LSAMP: variants seen among roughly 807,000 people sequenced by gnomAD.
LSAMP encodes limbic system-associated membrane protein.
A neutral mutation model predicts 38.6 loss-of-function variants in LSAMP; 7 were observed. The ratio of observed to expected loss-of-function variants is 0.18; its 90% CI spans 0.10 to 0.34. The LOEUF is 0.34. Ranked by LOEUF, LSAMP falls within the 10% of genes least tolerant of loss-of-function variation. The pLI is 1.00. For synonymous variants in LSAMP, 154 were observed against 166.8 expected (o/e 0.92, Z 0.59); for missense variants, 313 against 420.0 (o/e 0.75, Z 2.23).
chr3:115,881,190 A>G lies in LSAMP; in HGVS notation c.515-28573T>C, dbSNP rs549699315. Among the ~76,000 whole-genome samples the G allele has an allele frequency of 7.9e-5, 12 of 152,218 alleles. No individual in the cohort carries two copies. The South Asian group carries it at 2.5e-3, about 32-fold the overall frequency. On this transcript the variant is annotated intron_variant, in intron 3 of 6. Transcript: ENST00000490035. ...TTTACAGTTTGCCACTTGCATTCAT[A>G]AATGCTGCTGCCGCTAAGGGTGGCA...
At chr3:116,177,511 G>A (rs1188602027) in intron 1 of LSAMP, among the ~76,000 whole-genome samples, 2 of 152,104 alleles carry the variant, frequency 1.3e-5, no homozygotes, top group African/African-American at 4.8e-5. Context: ...AGCCACAGAT[G>A]TGATATATGC....
intron 1 of LSAMP, among the ~76,000 whole-genome samples, chr3:116,134,527 T>G (rs1464483783): frequency 6.6e-6 from 1 of 152,216 alleles, no homozygotes; most frequent in Non-Finnish European, 1.5e-5. Flanking sequence ...CCATCCCCTT[T>G]TCACCGTGCT....
intron 1 of LSAMP, among the ~76,000 whole-genome samples, chr3:116,189,265 A>G (rs1710697581): frequency 6.6e-6 from 1 of 152,186 alleles, no homozygotes; most frequent in Admixed American, 6.5e-5. Flanking sequence ...TTTTCCTGGT[A>G]TAAGGAAGTG....
rs549513664 is a variant in LSAMP at position 116,302,054 on chromosome 3, C to T, written c.155+142823G>A. On this transcript the variant is annotated intron_variant, in intron 1 of 6. Coordinates refer to ENST00000490035, the MANE Select transcript of LSAMP (RefSeq NM_002338.5). ...TGGCTCCAAATATTAAATCAATACT[C>T]ATTTACTGTAGAGACCATGGCAATC... 2.0e-5 allele frequency among the ~76,000 whole-genome samples: 3 copies of T among 152,256 alleles called. 1 individual carries two copies. The South Asian group carries it at 6.2e-4, about 32-fold the overall frequency.
intron 1 of LSAMP, among the ~76,000 whole-genome samples, chr3:116,173,786 T>TA (rs1559770017): frequency 1.0e-4 from 1 of 9,984 alleles, no homozygotes; most frequent in Admixed American, 1.4e-3. Flanking sequence ...AAACATTTTT[T>TA]TTTTTTTTTT....
At chr3:116,341,497 G>A (rs1031892445) in intron 1 of LSAMP, among the ~76,000 whole-genome samples, 1 of 151,966 alleles carries the variant, frequency 6.6e-6, no homozygotes, top group African/African-American at 2.4e-5. Context: ...ATTGACCAGA[G>A]AGGATAGTAA....
chr3:116,358,304 C>G (rs1354860221), intron 1 of LSAMP, among the ~76,000 whole-genome samples: 1 of 152,080 alleles, frequency 6.6e-6, no homozygotes, highest in Non-Finnish European at 1.5e-5. Flanking sequence ...ATTTTTTCCT[C>G]AATGGAGGTG....
At position 116,198,541 on chromosome 3, in the gene LSAMP, T is replaced by A. The variant is rs9854764; in HGVS notation, c.156-111985A>T. 3.0e-4 allele frequency among the ~76,000 whole-genome samples: 46 copies of A among 151,586 alleles called. 1 individual carries two copies. The highest frequency in any genetic ancestry group is 1.3e-3 in the Admixed American group (20 of 15,246). On this transcript the variant is annotated intron_variant, in intron 1 of 6. Coordinates refer to ENST00000490035, the MANE Select transcript of LSAMP (RefSeq NM_002338.5). ...TCCCAGCACTGTGGGAGGCCGAGGC[T>A]GGCGGATCACGAGGCCAGGAGATCG...
chr3:115,883,913 AATG>A (rs1936386071), intron 3 of LSAMP, among the ~76,000 whole-genome samples: 1 of 152,104 alleles, frequency 6.6e-6, no homozygotes, highest in Non-Finnish European at 1.5e-5. Flanking sequence ...GAAAGACATT[AATG>A]ATAAGTCAAA....
intron 1 of LSAMP, among the ~76,000 whole-genome samples, chr3:116,321,408 A>G (rs936632187): frequency 6.6e-6 from 1 of 152,100 alleles, no homozygotes; most frequent in Non-Finnish European, 1.5e-5. Flanking sequence ...GGAAAAACAG[A>G]ATAGTCATGA....
intron 2 of LSAMP, among the ~76,000 whole-genome samples, chr3:116,070,680 T>G (rs1707578381): frequency 6.6e-6 from 1 of 152,234 alleles, no homozygotes; most frequent in South Asian, 2.1e-4. Context: ...TCTTTGCCTT[T>G]GTTCCTCCTC....
intron 1 of LSAMP, among the ~76,000 whole-genome samples, chr3:116,155,167 C>G (rs147879566): frequency 3.3e-5 from 5 of 152,080 alleles, no homozygotes; most frequent in African/African-American, 1.2e-4. Context: ...TGATTAATGT[C>G]TGTTCTCATT....
At chr3:115,959,356 A>G (rs1053386544) in intron 3 of LSAMP, among the ~76,000 whole-genome samples, 2 of 152,196 alleles carry the variant, frequency 1.3e-5, no homozygotes, top group African/African-American at 4.8e-5. Context: ...TGGTGGATCC[A>G]CCAAGAAGAG....
intron 3 of LSAMP, among the ~76,000 whole-genome samples, chr3:115,872,615 T>G (rs1190308456): frequency 6.6e-6 from 1 of 152,074 alleles, no homozygotes; most frequent in African/African-American, 2.4e-5. Context: ...AGTGTTTAAA[T>G]GGTATGCAGA....
intron 1 of LSAMP, among the ~76,000 whole-genome samples, chr3:116,220,843 C>A (rs1265493083): frequency 6.6e-6 from 1 of 152,126 alleles, no homozygotes; most frequent in East Asian, 1.9e-4. Flanking sequence ...TGGTTCCAGT[C>A]TTGGTTCTGA....
At chr3:116,266,464 A>G (rs533661892) in intron 1 of LSAMP, among the ~76,000 whole-genome samples, 1 of 152,336 alleles carries the variant, frequency 6.6e-6, no homozygotes, top group Non-Finnish European at 1.5e-5. Flanking sequence ...AAACCAAGAG[A>G]CAAAAGGAAT....
intron 2 of LSAMP, among the ~76,000 whole-genome samples, chr3:116,026,707 G>A (rs114365560): frequency 5.9e-5 from 9 of 152,252 alleles, no homozygotes; most frequent in Non-Finnish European, 8.8e-5. Flanking sequence ...TCTCTTGTTG[G>A]CAGACTGTGT....
Position 116,218,916 on chromosome 3 carries a change from C to G in LSAMP, c.156-132360G>C, listed in dbSNP as rs139763803. On this transcript the variant is annotated intron_variant, in intron 1 of 6. Coordinates refer to ENST00000490035, the MANE Select transcript of LSAMP (RefSeq NM_002338.5). ...CAATGTATGCCTCTGCTTTTGAACC[C>G]AAGTACAAAAGAACCATATACTTTT... 3.2e-3 allele frequency among the ~76,000 whole-genome samples: 486 copies of G among 152,242 alleles called. 2 individuals are homozygous for G. The highest frequency in any genetic ancestry group is 0.013 in the South Asian group (62 of 4,820).
At chr3:116,155,804 C>T (rs1709734203) in intron 1 of LSAMP, among the ~76,000 whole-genome samples, 1 of 152,026 alleles carries the variant, frequency 6.6e-6, no homozygotes, top group South Asian at 2.1e-4. Context: ...GTTCCTTTTC[C>T]ATTGATTTCA....
Sources: allele counts gnomAD v4.1 joint callset (sites outside exome capture counted in the v4.1 genomes callset), GRCh38; gene constraint gnomAD v4.1.1; transcripts MANE v1.5; gene names NCBI Gene and HGNC (gene_info 2026-07-23, HGNC 2026-07-21).